The following GRM3 variants were observed in gnomAD, a reference collection of about 807,000 sequenced individuals.
The protein encoded by GRM3 is glutamate metabotropic receptor 3, also known as metabotropic glutamate receptor 3.
Under a neutral mutation model 70.5 loss-of-function variants are expected in GRM3, and 26 were observed. The ratio of observed to expected loss-of-function variants is 0.37; its 90% CI spans 0.27 to 0.51. The LOEUF is 0.51. Ranked by LOEUF, GRM3 falls within the 20% of genes least tolerant of loss-of-function variation. The pLI, the probability that GRM3 is intolerant of heterozygous loss-of-function variation, is 0.93. For missense variants in GRM3, 859 were observed against 1,123.8 expected, an observed-to-expected ratio of 0.76 and a Z score of 3.37; for synonymous variants, 443 against 434.9, an observed-to-expected ratio of 1.02 and a Z score of -0.23.
At chr7:86,783,296 G>A (rs1027402156) in intron 2 of GRM3, among the ~76,000 whole-genome samples, 1 of 152,140 alleles carries the variant, frequency 6.6e-6, no homozygotes, top group Non-Finnish European at 1.5e-5. Context: ...CAGGTTTATA[G>A]TCACACAGTA....
chr7:86,792,453 C>T (rs1797442836), intron 3 of GRM3, among the ~76,000 whole-genome samples: 1 of 152,198 alleles, frequency 6.6e-6, no homozygotes. Context: ...TAGGCATTAT[C>T]TCAGGAATAA....
intron 2 of GRM3, among the ~76,000 whole-genome samples, chr7:86,777,179 C>G (rs556126733): frequency 6.6e-6 from 1 of 152,212 alleles, no homozygotes; most frequent in South Asian, 2.1e-4. Context: ...TCGAGGAATC[C>G]TTTGTGGTCT....
At chr7:86,739,376 T>C (rs1274994259) in intron 1 of GRM3, among the ~76,000 whole-genome samples, 1 of 152,184 alleles carries the variant, frequency 6.6e-6, no homozygotes, top group Non-Finnish European at 1.5e-5. Flanking sequence ...CCAGTAACCT[T>C]CCAGTAACCT....
intron 1 of GRM3, among the ~76,000 whole-genome samples, chr7:86,651,213 C>T (rs557446844): frequency 1.3e-5 from 2 of 152,312 alleles, no homozygotes; most frequent in African/African-American, 4.8e-5. Context: ...TCTTTTCACA[C>T]AACCAAAGGG....
intron 4 of GRM3, among the ~76,000 whole-genome samples, chr7:86,849,338 CA>C (rs1798714929): frequency 6.6e-6 from 1 of 152,082 alleles, no homozygotes; most frequent in South Asian, 2.1e-4. Flanking sequence ...TTAAGAGAGA[CA>C]AGAACTTTAA....
At chr7:86,835,173 TA>T (rs1282007483) in intron 3 of GRM3, among the ~76,000 whole-genome samples, 51 of 152,114 alleles carry the variant, frequency 3.4e-4, no homozygotes, top group African/African-American at 1.2e-3. Context: ...TGACAAGTAT[TA>T]TAAATCAGTG....
intron 1 of GRM3, among the ~76,000 whole-genome samples, chr7:86,747,858 C>G (rs1410393397): frequency 6.6e-6 from 1 of 152,100 alleles, no homozygotes; most frequent in African/African-American, 2.4e-5. Flanking sequence ...TAATTTGAAG[C>G]AGCTTCGGCT....
At chr7:86,850,202 C>G (rs1435738418) in intron 4 of GRM3, among the ~76,000 whole-genome samples, 168 bp from the exon 5 acceptor site, 1 of 152,096 alleles carries the variant, frequency 6.6e-6, no homozygotes, top group Non-Finnish European at 1.5e-5. Flanking sequence ...CCAAGACTAC[C>G]CCAAACATAG....
At chr7:86,849,292 C>A (rs1798713735) in intron 4 of GRM3, among the ~76,000 whole-genome samples, 1 of 152,130 alleles carries the variant, frequency 6.6e-6, no homozygotes, top group Admixed American at 6.6e-5. Flanking sequence ...AAGGAGCCTG[C>A]AATTAGGGGT....
intron 1 of GRM3, chr7:86,710,092 C>T (rs1475237446): frequency 2.0e-5 from 3 of 152,102 alleles, no homozygotes; most frequent in Non-Finnish European, 4.4e-5. Flanking sequence ...CTTGTACCCA[C>T]AGCCACACAA....
chr7:86,835,654 A>G (rs1194280220), intron 3 of GRM3, among the ~76,000 whole-genome samples: 2 of 152,158 alleles, frequency 1.3e-5, no homozygotes, highest in Non-Finnish European at 2.9e-5. Context: ...TCTGTCACTC[A>G]GGTTGGAGTA....
At chr7:86,667,772 GT>G (rs1794063616) in intron 1 of GRM3, among the ~76,000 whole-genome samples, 1 of 152,116 alleles carries the variant, frequency 6.6e-6, no homozygotes, top group Non-Finnish European at 1.5e-5. Context: ...TTCTAACGGT[GT>G]ACTCTTGAGA....
chr7:86,676,908 T>C (rs948175794), intron 1 of GRM3, among the ~76,000 whole-genome samples: 9 of 152,020 alleles, frequency 5.9e-5, no homozygotes, highest in Non-Finnish European at 1.3e-4. Context: ...GGATTGAATA[T>C]AGTCATGCTT....
intron 1 of GRM3, among the ~76,000 whole-genome samples, chr7:86,701,654 T>G (rs1425165061): frequency 6.6e-6 from 1 of 151,994 alleles, no homozygotes; most frequent in Non-Finnish European, 1.5e-5. Context: ...GTGTAACTAC[T>G]CAAACTTATT....
At chr7:86,703,562 G>A (rs909002980) in intron 1 of GRM3, among the ~76,000 whole-genome samples, 2 of 152,026 alleles carry the variant, frequency 1.3e-5, no homozygotes, top group Non-Finnish European at 2.9e-5. Context: ...ATGTGTAAAT[G>A]AGGATTATGT....
chr7:86,779,967 C>T (rs909216766), intron 2 of GRM3, among the ~76,000 whole-genome samples: 8 of 152,118 alleles, frequency 5.3e-5, no homozygotes, highest in African/African-American at 1.7e-4. Context: ...GGAAAAGACA[C>T]AAATACTAAT....
intron 3 of GRM3, among the ~76,000 whole-genome samples, chr7:86,806,506 T>C (rs1308027364): frequency 4.6e-5 from 7 of 152,232 alleles, no homozygotes; most frequent in African/African-American, 1.4e-4. Context: ...CTAGTGATGA[T>C]GAGCATTTTT....
intron 1 of GRM3, among the ~76,000 whole-genome samples, chr7:86,687,665 G>A (rs1242533471): frequency 1.3e-5 from 2 of 151,810 alleles, no homozygotes; most frequent in East Asian, 3.9e-4. Flanking sequence ...TAGACATATA[G>A]AACTTTAGGA....
At chr7:86,794,559 G>GAGAA (rs1293126680) in intron 3 of GRM3, among the ~76,000 whole-genome samples, 1 of 152,168 alleles carries the variant, frequency 6.6e-6, no homozygotes, top group Non-Finnish European at 1.5e-5. Flanking sequence ...CTGAGGATCA[G>GAGAA]GCATTGAGAA....
Sources: allele counts gnomAD v4.1 joint callset (sites outside exome capture counted in the v4.1 genomes callset), GRCh38; gene constraint gnomAD v4.1.1; transcripts MANE v1.5; gene names NCBI Gene and HGNC (gene_info 2026-07-23, HGNC 2026-07-21).